SMURF1: variants seen among roughly 807,000 people sequenced by gnomAD.
SMURF1 encodes the protein E3 ubiquitin-protein ligase SMURF1.
In SMURF1, 44 loss-of-function variants were observed where a neutral mutation model predicts 98.0. That is an observed-to-expected ratio of 0.45 (90% CI 0.35 to 0.58). SMURF1 has a LOEUF of 0.58. Among genes scored for constraint, SMURF1 ranks in the 20% least tolerant of loss-of-function variants. The pLI is 0.00. For synonymous variants in SMURF1, 396 were observed against 374.9 expected (o/e 1.06, Z -0.65); for missense variants, 687 against 938.4 (o/e 0.73, Z 3.50).
At position 99,083,788 on chromosome 7, in the gene SMURF1, T is replaced by G. The variant is rs888223847; in HGVS notation, c.56-21951A>C. Among the ~76,000 whole-genome samples the G allele has an allele frequency of 2.0e-5, 3 of 152,224 alleles. No individual in the cohort carries two copies. In the South Asian group the frequency reaches 6.2e-4, roughly 32 times the overall value. On this transcript the variant is annotated intron_variant, in intron 1 of 17. Transcript: ENST00000361368. ...GGCAACCTTATCATTCAAATATGGT[T>G]TGTTTAATGGTTCACAGACCAGGAC... is the stretch of plus-strand genomic sequence containing the variant.
chr7:99,123,210 C>T (rs1252750935), intron 1 of SMURF1, among the ~76,000 whole-genome samples: 1 of 151,892 alleles, frequency 6.6e-6, no homozygotes, highest in Non-Finnish European at 1.5e-5. Context: ...TAGCCAGTAG[C>T]AGTGTAAGCC....
intron 1 of SMURF1, among the ~76,000 whole-genome samples, chr7:99,101,714 C>A (rs1280332049): frequency 6.6e-6 from 1 of 152,112 alleles, no homozygotes; most frequent in Non-Finnish European, 1.5e-5. Flanking sequence ...CCGAGGCAGG[C>A]GGATCGCCTG....
chr7:99,078,696 C>T (rs1002350298), intron 1 of SMURF1, among the ~76,000 whole-genome samples: 7 of 152,318 alleles, frequency 4.6e-5, no homozygotes, highest in African/African-American at 7.2e-5. Context: ...TTGTGAACTG[C>T]GCATGCGAGG....
chr7:99,036,833 T>C (rs1452918593), intron 15 of SMURF1, among the ~76,000 whole-genome samples: 1 of 152,114 alleles, frequency 6.6e-6, no homozygotes, highest in Non-Finnish European at 1.5e-5. Context: ...TTGAACAGTT[T>C]CCCGGGAGTT....
rs1025732671 is a variant in SMURF1, at chr7:99,028,513, C to T, written c.*2071G>A. ...CCTCTGGCTCTGGGCTGAAGCAACA[C>T]CCGGCACGAGAGGCAGGGCAGCACC... On this transcript the variant is annotated 3_prime_UTR_variant, in exon 18 of 18. Transcript: ENST00000361368. 1.1e-4 allele frequency: 17 copies of T among 152,312 alleles called. No individual in the cohort carries two copies. The highest frequency in any genetic ancestry group is 2.3e-4 in the Non-Finnish European group (16 of 68,130). The allele number at this position is 152,312 out of a possible 1,614,324, so 9.4% of individuals were successfully genotyped here.
chr7:99,122,757 T>C (rs1797667307), intron 1 of SMURF1, among the ~76,000 whole-genome samples: 1 of 148,306 alleles, frequency 6.7e-6, no homozygotes, highest in Non-Finnish European at 1.5e-5. Context: ...TTTTTTTTTT[T>C]TTTTTTTTTT....
At chr7:99,106,876 C>A (rs753863737) in intron 1 of SMURF1, among the ~76,000 whole-genome samples, 2 of 152,194 alleles carry the variant, frequency 1.3e-5, no homozygotes, top group African/African-American at 4.8e-5. Context: ...GTTAGCAGCT[C>A]ATGACTGCAT....
chr7:99,116,279 T>C (rs904341728), intron 1 of SMURF1, among the ~76,000 whole-genome samples: 8 of 152,084 alleles, frequency 5.3e-5, no homozygotes, highest in Non-Finnish European at 1.0e-4. Flanking sequence ...CTCCCTCAAC[T>C]AGATAAGGGA....
chr7:99,123,505 G>A (rs996750994), intron 1 of SMURF1, among the ~76,000 whole-genome samples: 2 of 152,160 alleles, frequency 1.3e-5, no homozygotes, highest in Non-Finnish European at 2.9e-5. Flanking sequence ...CTGCACTCTA[G>A]CCTGGGTGAC....
chr7:99,065,594 G>C (rs938504708), intron 1 of SMURF1, among the ~76,000 whole-genome samples: 2 of 152,122 alleles, frequency 1.3e-5, no homozygotes, highest in Non-Finnish European at 2.9e-5. Context: ...ATAATGTTCT[G>C]TTTGCTTCAG....
At chr7:99,100,481 G>T in intron 1 of SMURF1, among the ~76,000 whole-genome samples, 1 of 152,144 alleles carries the variant, frequency 6.6e-6, no homozygotes, top group East Asian at 1.9e-4. Context: ...CTTTAACCTG[G>T]GGACAGAGGT....
At chr7:99,116,712 T>G (rs891048317) in intron 1 of SMURF1, among the ~76,000 whole-genome samples, 1 of 152,206 alleles carries the variant, frequency 6.6e-6, no homozygotes, top group Non-Finnish European at 1.5e-5. Context: ...ACTGAAGACT[T>G]AGACATCCTG....
At chr7:99,066,967 A>G (rs1309642530) in intron 1 of SMURF1, among the ~76,000 whole-genome samples, 1 of 150,850 alleles carries the variant, frequency 6.6e-6, no homozygotes, top group East Asian at 2.0e-4. Context: ...ATTAGACAGC[A>G]TAAAATCTCA....
rs1177117378 is a variant in SMURF1, at chr7:99,049,695, A to G, written c.821T>C (p.Val274Ala). 1 of 1,614,052 alleles carries G rather than the reference A, an allele frequency of 6.2e-7. No homozygotes were observed. Among genetic ancestry groups the G allele is most frequent in the Non-Finnish European group, 8.5e-7 (1 of 1,179,996 alleles). The part of the protein sequence containing the change: ...DPRIPRDLNS[V>A]NCDELGPLPP... ...CAGTGGTCCAAGTTCATCACAGTTC[A>G]CACTGTTAAGGTCTCTACCAAAATG... Residue 274 changes from valine (V) to alanine (A), a missense_variant, in exon 9 of 18, where the codon GTG becomes GCG. This residue lies in a region of SMURF1 where 415 missense variants were observed against 508.4 expected (regional missense o/e 0.82). Coordinates refer to ENST00000361368, the MANE Select transcript of SMURF1 (RefSeq NM_181349.3).
Position 99,033,122 on chromosome 7 carries a change from C to G in SMURF1, c.2012-1G>C. ...CGGGGCCCTGCCGCGCCTGTAGAAC[C>G]TTACAAGACAACATTCTAGTTAATG... is the stretch of plus-strand genomic sequence containing the variant. On this transcript the variant is annotated splice_acceptor_variant, in intron 16 of 17. Coordinates refer to ENST00000361368, the MANE Select transcript of SMURF1 (RefSeq NM_181349.3). LOFTEE classifies it high-confidence loss of function. The G allele has an allele frequency of 1.3e-6, 2 of 1,571,656 alleles. No individual in the cohort carries two copies. Among genetic ancestry groups the G allele is most frequent in the Non-Finnish European group, 1.7e-6 (2 of 1,157,722 alleles).
intron 11 of SMURF1, 50 bp from the exon 12 acceptor site, chr7:99,042,282 T>C: frequency 4.5e-6 from 2 of 443,348 alleles, no homozygotes; most frequent in Non-Finnish European, 6.7e-6. Context: ...AATTTCTACA[T>C]TTTTTTTTTT....
At chr7:99,139,089 T>C (rs77066096) in intron 1 of SMURF1, among the ~76,000 whole-genome samples, 1,792 of 152,336 alleles carry the variant, frequency 0.012, 34 homozygotes, top group African/African-American at 0.041. Context: ...CTGGTACAAA[T>C]TGACAAAGTC....
chr7:99,070,558 A>C (rs1433684534), intron 1 of SMURF1, among the ~76,000 whole-genome samples: 1 of 152,148 alleles, frequency 6.6e-6, no homozygotes, highest in Admixed American at 6.5e-5. Flanking sequence ...TGTGTCTTTT[A>C]TTCTTAACCA....
chr7:99,139,029 T>C (rs866970630), intron 1 of SMURF1, among the ~76,000 whole-genome samples: 8 of 152,368 alleles, frequency 5.3e-5, no homozygotes, highest in African/African-American at 7.2e-5. Context: ...CTGTGTTATA[T>C]GGTTTTTGAA....
Sources: gnomAD v4.1 joint callset for allele counts (sites outside exome capture counted in the v4.1 genomes callset) on GRCh38, gnomAD v4.1.1 for gene constraint, gnomAD v4.1.1 regional missense constraint, MANE v1.5 for transcripts, NCBI Gene and HGNC (gene_info 2026-07-23, HGNC 2026-07-21) for gene names.